CSMD2: variants seen among roughly 807,000 people sequenced by gnomAD.
CSMD2 encodes the protein CUB and sushi domain-containing protein 2.
In CSMD2, 130 loss-of-function variants were observed where a neutral mutation model predicts 398.5. That is an observed-to-expected ratio of 0.33 (90% CI 0.28 to 0.38). The LOEUF is 0.38. Ranked by LOEUF, CSMD2 falls within the 10% of genes least tolerant of loss-of-function variation. The pLI is 1.00. For synonymous variants in CSMD2, 1,828 were observed against 1,908.5 expected (o/e 0.96, Z 1.10); for missense variants, 3,829 against 4,764.9 (o/e 0.80, Z 5.78).
rs78987384 is a variant in CSMD2 at position 34,066,125 on chromosome 1, G to A, written c.404+22852C>T. 7.1e-3 allele frequency among the ~76,000 whole-genome samples: 1,086 copies of A among 152,304 alleles called. 15 individuals carry two copies. The highest frequency in any genetic ancestry group is 0.052 in the East Asian group (268 of 5,168). ...ATAATACATTCCCCATAGGGCTGCT[G>A]AGAACACTCAGTGAGATGTAGCATT... On this transcript the variant is annotated intron_variant, in intron 2 of 70. Coordinates refer to ENST00000373381, the MANE Select transcript of CSMD2 (RefSeq NM_001281956.2).
intron 70 of CSMD2, among the ~76,000 whole-genome samples, chr1:33,517,481 A>G (rs909233253): frequency 2.6e-5 from 4 of 152,256 alleles, no homozygotes; most frequent in Admixed American, 2.6e-4. Context: ...TCAATAATTC[A>G]TGCAGTGAAT....
At chr1:33,554,279 C>T (rs1657752854) in intron 55 of CSMD2, among the ~76,000 whole-genome samples, 2 of 149,202 alleles carry the variant, frequency 1.3e-5, no homozygotes, top group African/African-American at 4.9e-5. Flanking sequence ...CAACCTCCTC[C>T]ACCTCCCAGG....
chr1:33,610,838 A>G (rs2148836171), intron 41 of CSMD2, among the ~76,000 whole-genome samples: 1 of 152,204 alleles, frequency 6.6e-6, no homozygotes, highest in South Asian at 2.1e-4. Flanking sequence ...GCCACTCTTG[A>G]AAAGGCTGTG....
intron 1 of CSMD2, among the ~76,000 whole-genome samples, chr1:34,125,702 G>A (rs544075997): frequency 6.6e-6 from 1 of 152,304 alleles, no homozygotes; most frequent in East Asian, 1.9e-4. Context: ...ACATCCAATT[G>A]AGACCATGGT....
chr1:33,596,121 C>G (rs139654164), intron 44 of CSMD2, among the ~76,000 whole-genome samples: 1 of 152,190 alleles, frequency 6.6e-6, no homozygotes, highest in Non-Finnish European at 1.5e-5. Context: ...TTGTCCTTGA[C>G]GTATTAACGT....
intron 3 of CSMD2, among the ~76,000 whole-genome samples, chr1:33,942,008 C>T (rs948173702): frequency 2.6e-5 from 4 of 151,934 alleles, no homozygotes; most frequent in African/African-American, 4.8e-5. Flanking sequence ...CTTTTTTGTT[C>T]AACGCTGTTT....
At position 33,723,455 on chromosome 1, in the gene CSMD2, T is replaced by C. The variant is rs368421152; in HGVS notation, c.3001+742A>G. Among the ~76,000 whole-genome samples, 84 of 152,380 alleles carry C rather than the reference T, an allele frequency of 5.5e-4. No individual in the cohort carries two copies. In the East Asian group the frequency reaches 0.015, roughly 27 times the overall value. On this transcript the variant is annotated intron_variant, in intron 19 of 70. Transcript: ENST00000373381. ...GCCAAATCTGCCTGGTTACTGCTGA[T>C]GCCCAGCCCCAGTGTCAGCCACATG... is the stretch of plus-strand genomic sequence containing the variant.
At chr1:33,888,527 G>A (rs1641751331) in intron 5 of CSMD2, among the ~76,000 whole-genome samples, 1 of 152,080 alleles carries the variant, frequency 6.6e-6, no homozygotes. Context: ...CAGGTTTGGA[G>A]TTAATTCATT....
At chr1:33,933,386 A>G (rs1644371742) in intron 4 of CSMD2, among the ~76,000 whole-genome samples, 1 of 152,166 alleles carries the variant, frequency 6.6e-6, no homozygotes, top group Non-Finnish European at 1.5e-5. Context: ...TTACTTCCCC[A>G]AGCAGAGTGA....
chr1:34,141,425 A>G (rs1204398573), intron 1 of CSMD2, among the ~76,000 whole-genome samples: 1 of 152,194 alleles, frequency 6.6e-6, no homozygotes, highest in East Asian at 1.9e-4. Context: ...AGGAAGCCAG[A>G]GCAGGGTAAG....
chr1:33,769,080 G>A (rs570874176), intron 13 of CSMD2, among the ~76,000 whole-genome samples: 3 of 152,282 alleles, frequency 2.0e-5, no homozygotes, highest in East Asian at 1.9e-4. Context: ...CCAGCCTGTC[G>A]TCAAAGCATC....
chr1:33,887,947 T>C (rs982624438), intron 5 of CSMD2, among the ~76,000 whole-genome samples: 2 of 152,104 alleles, frequency 1.3e-5, no homozygotes, highest in African/African-American at 4.8e-5. Flanking sequence ...CAGAAATCAA[T>C]AGCTTTCTTA....
At chr1:33,673,295 C>T (rs565214369) in intron 25 of CSMD2, among the ~76,000 whole-genome samples, 1 of 152,144 alleles carries the variant, frequency 6.6e-6, no homozygotes. Flanking sequence ...AACCACGGCA[C>T]GAGAACTACG....
chr1:34,057,549 C>T (rs993101014), intron 2 of CSMD2, among the ~76,000 whole-genome samples: 2 of 152,156 alleles, frequency 1.3e-5, no homozygotes, highest in Non-Finnish European at 2.9e-5. Flanking sequence ...CGGCAGGCAG[C>T]TCAAAGGCTG....
chr1:33,525,779 G>T (rs1654716964), intron 65 of CSMD2, among the ~76,000 whole-genome samples: 1 of 152,196 alleles, frequency 6.6e-6, no homozygotes, highest in Non-Finnish European at 1.5e-5. Flanking sequence ...CTGCCTCCCA[G>T]GTTCAAGCAA....
intron 26 of CSMD2, among the ~76,000 whole-genome samples, chr1:33,658,752 T>C (rs1644031568): frequency 6.6e-6 from 1 of 152,206 alleles, no homozygotes; most frequent in South Asian, 2.1e-4. Context: ...TTATTCTAGC[T>C]ACTCTGGAGG....
chr1:33,966,810 G>C (rs572916203), intron 3 of CSMD2, among the ~76,000 whole-genome samples: 31 of 152,134 alleles, frequency 2.0e-4, no homozygotes, highest in Non-Finnish European at 4.3e-4. Context: ...ATACTTTTGT[G>C]ACAGCTAAAA....
chr1:33,808,151 G>T (rs747587690), intron 10 of CSMD2, among the ~76,000 whole-genome samples: 9 of 152,044 alleles, frequency 5.9e-5, no homozygotes, highest in Non-Finnish European at 1.0e-4. Flanking sequence ...GAACTTTAAA[G>T]AATAATAGGC....
At chr1:33,992,311 C>T (rs556164405) in intron 3 of CSMD2, among the ~76,000 whole-genome samples, 2 of 152,252 alleles carry the variant, frequency 1.3e-5, no homozygotes, top group East Asian at 3.9e-4. Context: ...ACCTCAGCCT[C>T]CTGGGTAGCT....
Sources: allele counts gnomAD v4.1 joint callset (sites outside exome capture counted in the v4.1 genomes callset), GRCh38; gene constraint gnomAD v4.1.1; transcripts MANE v1.5; gene names NCBI Gene and HGNC (gene_info 2026-07-23, HGNC 2026-07-21).